Variants in COL15A1 observed in about 807,000 individuals in gnomAD.
The protein encoded by COL15A1 is collagen alpha-1(XV) chain.
Under a neutral mutation model 165.9 loss-of-function variants are expected in COL15A1, and 111 were observed. The observed-to-expected ratio is 0.67, with a 90% confidence interval of 0.57 to 0.78. The LOEUF (loss-of-function observed/expected upper bound fraction) is 0.78. COL15A1 is among the 30% of genes least tolerant of loss of function. The pLI, the probability that COL15A1 is intolerant of heterozygous loss-of-function variation, is 0.00. For missense variants in COL15A1, 1,745 were observed against 1,789.7 expected (o/e 0.98, Z 0.45); for synonymous variants, 659 against 674.8 (o/e 0.98, Z 0.36).
chr9:99,000,073 G>T lies in COL15A1; in HGVS notation c.953-766G>T, dbSNP rs181268702. Among the ~76,000 whole-genome samples, 248 of 152,208 alleles carry T rather than the reference G, an allele frequency of 1.6e-3. 1 individual carries two copies. Among genetic ancestry groups the T allele is most frequent in the African/African-American group, 5.7e-3 (236 of 41,530 alleles). ...TTTAGTAGAGATGGGGTTTCACCAT[G>T]TTGGCCAGGCTGGTCTTGAACTCCT... On this transcript the variant is annotated intron_variant, in intron 6 of 41. Coordinates refer to ENST00000375001, the MANE Select transcript of COL15A1 (RefSeq NM_001855.5).
chr9:99,003,674 T>C, intron 8 of COL15A1, 87 bp downstream of exon 8: 2 of 1,365,044 alleles, frequency 1.5e-6, no homozygotes, highest in East Asian at 5.4e-5. Flanking sequence ...GCTTTCCCTA[T>C]GTGTCTGTGA....
At chr9:98,949,862 T>C (rs1221868659) in intron 2 of COL15A1, among the ~76,000 whole-genome samples, 1 of 152,202 alleles carries the variant, frequency 6.6e-6, no homozygotes, top group East Asian at 1.9e-4. Context: ...TTTCTCAGCT[T>C]CAGGCAGTCA....
Position 99,056,342 on chromosome 9 carries a change from CT to C in COL15A1, c.3276del (p.Gly1093ValfsTer60). ...CCTGGGCCACCTGGCTTTGGAAGAC[CT>C]GGTGATCCTGGGCCACCGGGGCCCC... Reference protein sequence around the residue: ...GLPGPPGFGRPGDPGPPGPPG... With the variant: ...GLPGPPGFGRXGDPGPPGPPG... On this transcript the variant is annotated frameshift_variant, in exon 35 of 42. Transcript: ENST00000375001. LOFTEE classifies it high-confidence loss of function. 2 of 1,613,824 alleles carry C rather than the reference CT, an allele frequency of 1.2e-6. No individual in the cohort carries two copies. The highest frequency in any genetic ancestry group is 1.7e-6 in the Non-Finnish European group (2 of 1,180,022).
At chr9:98,988,977 C>T (rs1399640408) in intron 4 of COL15A1, among the ~76,000 whole-genome samples, 1 of 151,566 alleles carries the variant, frequency 6.6e-6, no homozygotes, top group African/African-American at 2.4e-5. Flanking sequence ...ACCAACCATG[C>T]ACACTGCACA....
At chr9:98,991,132 C>T (rs146763695) in intron 5 of COL15A1, among the ~76,000 whole-genome samples, 6 of 152,224 alleles carry the variant, frequency 3.9e-5, no homozygotes, top group East Asian at 1.9e-4. Flanking sequence ...AAAGTCAGTG[C>T]GGACCCAAAG....
At chr9:99,027,405 G>T (rs1839144439) in intron 16 of COL15A1, among the ~76,000 whole-genome samples, 2 of 152,198 alleles carry the variant, frequency 1.3e-5, no homozygotes, top group Admixed American at 1.3e-4. Context: ...TTCGTGGAAA[G>T]CTTATTTCTC....
At chr9:99,000,804 G>A in intron 6 of COL15A1, 35 bp from the exon 7 acceptor site, 1 of 974,668 alleles carries the variant, frequency 1.0e-6, no homozygotes, top group Non-Finnish European at 1.7e-6. Flanking sequence ...ACTGCAAAAT[G>A]TAGTTATTGA....
intron 9 of COL15A1, among the ~76,000 whole-genome samples, chr9:99,006,655 T>C (rs899478445): frequency 6.7e-6 from 1 of 149,792 alleles, no homozygotes; most frequent in Non-Finnish European, 1.5e-5. Flanking sequence ...GCCCTTTCCT[T>C]TCTCCTCCTC....
intron 8 of COL15A1, among the ~76,000 whole-genome samples, chr9:99,004,484 A>G (rs1333878969): frequency 1.3e-5 from 2 of 152,158 alleles, no homozygotes; most frequent in African/African-American, 4.8e-5. Context: ...CTAGGAAGAG[A>G]GTGGGACAGG....
chr9:98,996,876 A>G (rs1056526179), intron 5 of COL15A1, 58 bp from the exon 6 acceptor site: 11 of 1,599,288 alleles, frequency 6.9e-6, no homozygotes, highest in Non-Finnish European at 9.4e-6. Flanking sequence ...ATTCTCTGTC[A>G]TTTCTTCTGC....
chr9:99,016,454 C>CTG (rs1395133806), intron 11 of COL15A1, among the ~76,000 whole-genome samples: 1 of 152,124 alleles, frequency 6.6e-6, no homozygotes, highest in Non-Finnish European at 1.5e-5. Flanking sequence ...AGCATCAGTG[C>CTG]TGTGTGTGTG....
chr9:99,068,226 G>A (rs1564099877), intron 40 of COL15A1, among the ~76,000 whole-genome samples: 1 of 152,138 alleles, frequency 6.6e-6, no homozygotes, highest in Non-Finnish European at 1.5e-5. Context: ...AGCACTTTGG[G>A]AGGCCGAGGT....
chr9:98,993,825 TTGTC>T (rs1411889699), intron 5 of COL15A1, among the ~76,000 whole-genome samples: 1 of 152,098 alleles, frequency 6.6e-6, no homozygotes, highest in Non-Finnish European at 1.5e-5. Flanking sequence ...CGCCCGCCCC[TTGTC>T]TGTCTAACTT....
intron 2 of COL15A1, among the ~76,000 whole-genome samples, chr9:98,958,076 C>A (rs961644418): frequency 6.6e-6 from 1 of 152,200 alleles, no homozygotes; most frequent in Non-Finnish European, 1.5e-5. Context: ...CACGGAGGAG[C>A]CCATGACATG....
At position 99,070,134 on chromosome 9, in the gene COL15A1, C is replaced by T. The variant is rs1033490651; in HGVS notation, c.*248C>T. The T allele has an allele frequency of 2.9e-5, 12 of 415,222 alleles. No homozygotes were observed. The highest frequency in any genetic ancestry group is 1.2e-4 in the African/African-American group (6 of 48,598). The allele number at this position is 415,222 out of a possible 1,614,324, so 25.7% of individuals were successfully genotyped here. A position where few individuals can be genotyped will look rare whatever the true frequency, so the allele number is the denominator to read the frequency against. The stretch of plus-strand genomic sequence containing the variant: ...CTGCAGGAAACCCCAGCAGTGTGAA[C>T]GCATCCCAACATAGGTTAAGAGCAA... On this transcript the variant is annotated 3_prime_UTR_variant, in exon 42 of 42. Coordinates refer to ENST00000375001, the MANE Select transcript of COL15A1 (RefSeq NM_001855.5).
chr9:98,971,883 C>G (rs1355251432), intron 2 of COL15A1, among the ~76,000 whole-genome samples: 5 of 152,238 alleles, frequency 3.3e-5, no homozygotes, highest in Non-Finnish European at 5.9e-5. Flanking sequence ...CTGGGCTGCT[C>G]TCCTCAGTTC....
intron 2 of COL15A1, among the ~76,000 whole-genome samples, chr9:98,973,494 C>T (rs914488985): frequency 6.6e-6 from 1 of 152,170 alleles, no homozygotes; most frequent in East Asian, 1.9e-4. Flanking sequence ...AGAAATGCAT[C>T]GGGTGATAGG....
intron 14 of COL15A1, 143 bp downstream of exon 14, chr9:99,023,592 T>C (rs1427308005): frequency 5.3e-6 from 3 of 564,940 alleles, no homozygotes; most frequent in Non-Finnish European, 9.7e-6. Flanking sequence ...GGGTTCATTC[T>C]ACTTTTCCTT....
intron 9 of COL15A1, among the ~76,000 whole-genome samples, chr9:99,014,674 G>A (rs1350061515): frequency 6.6e-6 from 1 of 152,206 alleles, no homozygotes; most frequent in Non-Finnish European, 1.5e-5. Context: ...TTTTGCAAAG[G>A]TCAAAGACAT....
Sources: gnomAD v4.1 joint callset for allele counts (sites outside exome capture counted in the v4.1 genomes callset) on GRCh38, gnomAD v4.1.1 for gene constraint, MANE v1.5 for transcripts, NCBI Gene and HGNC (gene_info 2026-07-23, HGNC 2026-07-21) for gene names.